Variants in DPP10 observed in about 807,000 individuals in gnomAD.
DPP10 encodes the protein dipeptidyl peptidase like 10.
DPP10 carries 33 observed loss-of-function variants against 120.9 expected under a neutral mutation model. That is an observed-to-expected ratio of 0.27 (90% CI 0.21 to 0.37). The LOEUF (loss-of-function observed/expected upper bound fraction) is 0.37, where lower values mean the gene tolerates loss of function less well. Ranked by LOEUF, DPP10 falls within the 10% of genes least tolerant of loss-of-function variation. The pLI is 1.00. For missense variants in DPP10, 816 were observed against 942.8 expected (o/e 0.87, Z 1.76); for synonymous variants, 337 against 326.1 (o/e 1.03, Z -0.36).
chr2:115,056,027 C>T (rs1184194240), intron 1 of DPP10, among the ~76,000 whole-genome samples: 6 of 152,018 alleles, frequency 3.9e-5, no homozygotes, highest in African/African-American at 1.2e-4. Flanking sequence ...TATCTACTAC[C>T]TAGCTTAATA....
At chr2:115,783,252 A>G (rs1682975741) in intron 17 of DPP10, among the ~76,000 whole-genome samples, 2 of 152,156 alleles carry the variant, frequency 1.3e-5, no homozygotes, top group South Asian at 4.1e-4. Context: ...TTAGTCTCAA[A>G]GAGGTTAAGT....
At chr2:115,507,425 C>G (rs1162202380) in intron 4 of DPP10, among the ~76,000 whole-genome samples, 1 of 151,990 alleles carries the variant, frequency 6.6e-6, no homozygotes, top group African/African-American at 2.4e-5. Flanking sequence ...AATTTAAATC[C>G]TTGTTGAAAA....
intron 1 of DPP10, among the ~76,000 whole-genome samples, chr2:115,049,483 G>C (rs570428012): frequency 6.6e-6 from 1 of 152,168 alleles, no homozygotes; most frequent in South Asian, 2.1e-4. Context: ...AATATTTGCT[G>C]ACTTTATAAC....
chr2:115,663,113 TC>T (rs2089142191), intron 5 of DPP10, among the ~76,000 whole-genome samples: 1 of 152,128 alleles, frequency 6.6e-6, no homozygotes, highest in Non-Finnish European at 1.5e-5. Flanking sequence ...AAATTGAGCA[TC>T]CATCCCCTCA....
intron 1 of DPP10, among the ~76,000 whole-genome samples, chr2:114,559,211 T>A (rs933367452): frequency 6.6e-6 from 1 of 152,182 alleles, no homozygotes; most frequent in Non-Finnish European, 1.5e-5. Flanking sequence ...CAGGTAAGGA[T>A]CCTGAAATGG....
chr2:115,007,221 C>T (rs1701918483), intron 1 of DPP10, among the ~76,000 whole-genome samples: 1 of 152,122 alleles, frequency 6.6e-6, no homozygotes, highest in Non-Finnish European at 1.5e-5. Flanking sequence ...AAAAGCTTAT[C>T]CACCATGATC....
At chr2:115,586,535 A>G (rs1359018494) in intron 5 of DPP10, among the ~76,000 whole-genome samples, 1 of 152,142 alleles carries the variant, frequency 6.6e-6, no homozygotes, top group South Asian at 2.1e-4. Flanking sequence ...TACACTCTCT[A>G]TGATGTTTCT....
At chr2:114,708,591 T>C (rs1700826973) in intron 1 of DPP10, among the ~76,000 whole-genome samples, 1 of 152,094 alleles carries the variant, frequency 6.6e-6, no homozygotes. Context: ...AGGAATGTTT[T>C]GTAGTTTGGT....
chr2:115,043,203 G>A (rs1704798356), intron 1 of DPP10, among the ~76,000 whole-genome samples: 1 of 152,116 alleles, frequency 6.6e-6, no homozygotes, highest in Admixed American at 6.5e-5. Context: ...TGATGTCAAT[G>A]TTTTTCTCTT....
chr2:115,309,899 CT>C (rs1287777450), intron 2 of DPP10, among the ~76,000 whole-genome samples: 2 of 152,018 alleles, frequency 1.3e-5, no homozygotes, highest in African/African-American at 4.8e-5. Flanking sequence ...CAAATTGCCC[CT>C]GCAATGATTT....
chr2:114,905,335 A>G (rs1693878949), intron 1 of DPP10, among the ~76,000 whole-genome samples: 1 of 152,058 alleles, frequency 6.6e-6, no homozygotes, highest in Non-Finnish European at 1.5e-5. Context: ...TTTTCTATTT[A>G]CTTAGATCTT....
At chr2:114,579,545 C>A (rs545959261) in intron 1 of DPP10, among the ~76,000 whole-genome samples, 130 of 152,290 alleles carry the variant, frequency 8.5e-4, no homozygotes, top group South Asian at 2.1e-3. Flanking sequence ...CTTTTACCCC[C>A]TAAACTTTCT....
At chr2:115,313,886 T>G (rs888527516) in intron 2 of DPP10, among the ~76,000 whole-genome samples, 3 of 152,192 alleles carry the variant, frequency 2.0e-5, no homozygotes. Context: ...GAAGCCTACA[T>G]TATTTTTTCT....
At chr2:114,565,150 T>C (rs1220360704) in intron 1 of DPP10, among the ~76,000 whole-genome samples, 2 of 152,186 alleles carry the variant, frequency 1.3e-5, no homozygotes, top group African/African-American at 4.8e-5. Flanking sequence ...GGGCTAATCC[T>C]GGCTGTGTTC....
intron 19 of DPP10, among the ~76,000 whole-genome samples, chr2:115,814,063 G>A (rs182811178): frequency 6.6e-6 from 1 of 152,072 alleles, no homozygotes; most frequent in African/African-American, 2.4e-5. Flanking sequence ...ATTTTAAGCT[G>A]ACATTTTAAA....
At chr2:115,815,447 C>G (rs752585775) in intron 20 of DPP10, among the ~76,000 whole-genome samples, 18 of 152,070 alleles carry the variant, frequency 1.2e-4, no homozygotes, top group Non-Finnish European at 2.6e-4. Context: ...TGGAATGGGG[C>G]CCAGGCTTCT....
intron 1 of DPP10, among the ~76,000 whole-genome samples, chr2:115,142,701 CAG>C (rs2050995868): frequency 6.6e-6 from 1 of 152,136 alleles, no homozygotes; most frequent in Non-Finnish European, 1.5e-5. Context: ...CTTTCTCTAT[CAG>C]GACCCAGGGA....
intron 3 of DPP10, among the ~76,000 whole-genome samples, chr2:115,407,729 C>T (rs2068630037): frequency 6.6e-6 from 1 of 152,088 alleles, no homozygotes; most frequent in African/African-American, 2.4e-5. Flanking sequence ...GGGTCCCCTT[C>T]CCCTGAGCCC....
intron 1 of DPP10, among the ~76,000 whole-genome samples, chr2:114,698,302 G>A (rs1700185608): frequency 6.6e-6 from 1 of 152,000 alleles, no homozygotes; most frequent in African/African-American, 2.4e-5. Flanking sequence ...CTCTTGCCTG[G>A]AGCTAGGAGA....
Sources: allele counts gnomAD v4.1 joint callset (sites outside exome capture counted in the v4.1 genomes callset), GRCh38; gene constraint gnomAD v4.1.1; transcripts MANE v1.5; gene names NCBI Gene and HGNC (gene_info 2026-07-23, HGNC 2026-07-21).